Variants in CSNK1G3 observed in about 807,000 individuals in gnomAD.
CSNK1G3 encodes the protein casein kinase 1 gamma 3, also known as casein kinase I isoform gamma-3.
Under a neutral mutation model 64.3 loss-of-function variants are expected in CSNK1G3, and 23 were observed. The observed-to-expected ratio is 0.36, with a 90% confidence interval of 0.26 to 0.51. CSNK1G3 has a LOEUF of 0.51. CSNK1G3 is among the 20% of genes least tolerant of loss of function. CSNK1G3 has a pLI of 0.96. For synonymous variants in CSNK1G3, 158 were observed against 162.2 expected, an observed-to-expected ratio of 0.97 and a Z score of 0.20; for missense variants, 357 against 510.5, an observed-to-expected ratio of 0.70 and a Z score of 2.90.
intron 10 of CSNK1G3, among the ~76,000 whole-genome samples, chr5:123,594,362 C>G (rs1793009590): frequency 6.6e-6 from 1 of 152,074 alleles, no homozygotes; most frequent in Non-Finnish European, 1.5e-5. Flanking sequence ...ATTTCATAGA[C>G]ATGGGTTCCT....
intron 1 of CSNK1G3, among the ~76,000 whole-genome samples, chr5:123,532,340 G>C (rs568362845): frequency 6.6e-6 from 1 of 151,672 alleles, no homozygotes; most frequent in East Asian, 1.9e-4. Flanking sequence ...CATCCTTTTT[G>C]TAGTGCATGT....
At chr5:123,575,991 G>T in intron 6 of CSNK1G3, 28 bp downstream of exon 6, 1 of 1,479,628 alleles carries the variant, frequency 6.8e-7, no homozygotes, top group Non-Finnish European at 9.4e-7. Context: ...AAGTATGGAA[G>T]TTTGAACTTA....
intron 8 of CSNK1G3, among the ~76,000 whole-genome samples, chr5:123,589,543 T>G (rs562960769): frequency 1.7e-4 from 26 of 152,180 alleles, no homozygotes; most frequent in Non-Finnish European, 2.5e-4. Context: ...GTTGCCTCAT[T>G]GTGCTGGGTG....
intron 1 of CSNK1G3, among the ~76,000 whole-genome samples, chr5:123,529,777 A>G (rs1371753007): frequency 6.6e-6 from 1 of 152,154 alleles, no homozygotes; most frequent in Non-Finnish European, 1.5e-5. Context: ...GTCATTCTTA[A>G]AGATGAAGGT....
chr5:123,599,255 C>A (rs1427617347), intron 10 of CSNK1G3, among the ~76,000 whole-genome samples: 1 of 152,104 alleles, frequency 6.6e-6, no homozygotes, highest in Non-Finnish European at 1.5e-5. Flanking sequence ...ATGTATACCT[C>A]CTGATTGTTT....
At chr5:123,578,293 A>G (rs1002352322) in intron 6 of CSNK1G3, among the ~76,000 whole-genome samples, 16 of 151,880 alleles carry the variant, frequency 1.1e-4, no homozygotes, top group African/African-American at 3.9e-4. Context: ...ATGAATGAGA[A>G]TTTTGTTTGT....
rs761508982 is a variant in CSNK1G3 at position 123,593,228 on chromosome 5, C to CACACAT, written c.1086+1815_1086+1816insCACATA. On this transcript the variant is annotated intron_variant, in intron 10 of 12. Transcript: ENST00000345990. ...ACACACACACACACACACACACACA[C>CACACAT]ATATATATAATATTTAGGCAATTCT... Among the ~76,000 whole-genome samples the CACACAT allele has an allele frequency of 3.6e-4, 54 of 147,968 alleles. No individual in the cohort carries two copies. The East Asian group carries it at 5.3e-3, about 14-fold the overall frequency.
intron 1 of CSNK1G3, among the ~76,000 whole-genome samples, chr5:123,544,732 G>C (rs1419987047): frequency 6.6e-6 from 1 of 152,154 alleles, no homozygotes; most frequent in African/African-American, 2.4e-5. Context: ...CTGCATGTTA[G>C]AAATTTAATA....
At chr5:123,546,360 G>A (rs1782516381) in intron 2 of CSNK1G3, among the ~76,000 whole-genome samples, 1 of 151,966 alleles carries the variant, frequency 6.6e-6, no homozygotes, top group Admixed American at 6.6e-5. Context: ...TTAACAAGGG[G>A]CTCAGAGTAT....
intron 1 of CSNK1G3, among the ~76,000 whole-genome samples, chr5:123,531,206 C>G (rs918104140): frequency 2.0e-5 from 3 of 152,018 alleles, no homozygotes; most frequent in Non-Finnish European, 4.4e-5. Context: ...TAAATTTATA[C>G]TTGTAAACAA....
At chr5:123,586,233 A>G (rs1164677298) in intron 6 of CSNK1G3, among the ~76,000 whole-genome samples, 1 of 152,132 alleles carries the variant, frequency 6.6e-6, no homozygotes, top group East Asian at 1.9e-4. Flanking sequence ...GAAGGCAGAT[A>G]AGTGGTTGCC....
chr5:123,535,443 A>G (rs1780635954), intron 1 of CSNK1G3, among the ~76,000 whole-genome samples: 1 of 152,134 alleles, frequency 6.6e-6, no homozygotes, highest in Non-Finnish European at 1.5e-5. Context: ...ATAGAGAAAC[A>G]TGTAGGCAAT....
At chr5:123,540,896 T>C (rs1206010789) in intron 1 of CSNK1G3, among the ~76,000 whole-genome samples, 1 of 152,216 alleles carries the variant, frequency 6.6e-6, no homozygotes, top group African/African-American at 2.4e-5. Flanking sequence ...CCCAATGTGC[T>C]GGAATTACAG....
chr5:123,516,381 G>A (rs1777166627), intron 1 of CSNK1G3, among the ~76,000 whole-genome samples: 2 of 152,162 alleles, frequency 1.3e-5, no homozygotes, highest in African/African-American at 4.8e-5. Context: ...GGAGATAAAT[G>A]TAGAAATATA....
At chr5:123,610,975 G>A (rs893444579) in intron 12 of CSNK1G3, among the ~76,000 whole-genome samples, 1 of 152,116 alleles carries the variant, frequency 6.6e-6, no homozygotes, top group African/African-American at 2.4e-5. Flanking sequence ...TAGTGCAAAG[G>A]CAGATAATAA....
exon 2 of CSNK1G3, chr5:123,545,740 C>T (rs139353656): frequency 1.2e-6 from 2 of 1,613,556 alleles, no homozygotes; most frequent in African/African-American, 2.7e-5. Flanking sequence ...GGACACAACA[C>T]TCGAGGAACT....
At chr5:123,578,276 A>G (rs1332670561) in intron 6 of CSNK1G3, among the ~76,000 whole-genome samples, 3 of 151,736 alleles carry the variant, frequency 2.0e-5, no homozygotes, top group East Asian at 1.9e-4. Flanking sequence ...TTTTATTTCC[A>G]TCAGTAATGA....
At chr5:123,573,954 A>G (rs1038282261) in intron 5 of CSNK1G3, among the ~76,000 whole-genome samples, 1 of 151,836 alleles carries the variant, frequency 6.6e-6, no homozygotes, top group African/African-American at 2.4e-5. Flanking sequence ...GGTTCAAGCA[A>G]TTCTCCTGCC....
At chr5:123,516,470 G>A (rs1777185249) in intron 1 of CSNK1G3, among the ~76,000 whole-genome samples, 1 of 152,072 alleles carries the variant, frequency 6.6e-6, no homozygotes, top group Non-Finnish European at 1.5e-5. Context: ...CTGAGATTTA[G>A]CAACTATAAA....
Sources: allele counts gnomAD v4.1 joint callset (sites outside exome capture counted in the v4.1 genomes callset), GRCh38; gene constraint gnomAD v4.1.1; transcripts MANE v1.5; gene names NCBI Gene and HGNC (gene_info 2026-07-23, HGNC 2026-07-21).